The following CTIF variants were observed in gnomAD, a reference collection of about 807,000 sequenced individuals.
CTIF encodes CBP80/20-dependent translation initiation factor.
In CTIF, 21 loss-of-function variants were observed where a neutral mutation model predicts 66.0. The ratio of observed to expected loss-of-function variants is 0.32; its 90% CI spans 0.23 to 0.46. CTIF has a LOEUF of 0.46. Ranked by LOEUF, CTIF falls within the 20% of genes least tolerant of loss-of-function variation. The pLI is 1.00. For synonymous variants in CTIF, 345 were observed against 326.4 expected (o/e 1.06, Z -0.62); for missense variants, 739 against 812.7 (o/e 0.91, Z 1.10).
chr18:48,810,403 A>G (rs983369488), intron 9 of CTIF, among the ~76,000 whole-genome samples: 18 of 152,248 alleles, frequency 1.2e-4, no homozygotes, highest in African/African-American at 4.3e-4. Context: ...TAGATAATCT[A>G]ATACAGGTAT....
At chr18:48,558,510 A>G (rs960070113) in intron 1 of CTIF, among the ~76,000 whole-genome samples, 2 of 152,248 alleles carry the variant, frequency 1.3e-5, no homozygotes, top group Non-Finnish European at 2.9e-5. Flanking sequence ...ACCTCTTTTC[A>G]TGTAACAAAT....
At chr18:48,850,071 G>A (rs1299759182) in intron 10 of CTIF, among the ~76,000 whole-genome samples, 2 of 152,106 alleles carry the variant, frequency 1.3e-5, no homozygotes, top group Non-Finnish European at 2.9e-5. Flanking sequence ...CTGTCTGTAT[G>A]AATTTGACTA....
chr18:48,690,855 G>A (rs981571264), intron 6 of CTIF, among the ~76,000 whole-genome samples: 27 of 152,074 alleles, frequency 1.8e-4, no homozygotes, highest in Non-Finnish European at 2.9e-5. Context: ...TCAGAAGGCT[G>A]TAGTGAGAAT....
At chr18:48,707,750 A>G (rs1390135849) in intron 6 of CTIF, among the ~76,000 whole-genome samples, 1 of 152,192 alleles carries the variant, frequency 6.6e-6, no homozygotes, top group Non-Finnish European at 1.5e-5. Context: ...TCACCCTCTC[A>G]TAGTATACAG....
chr18:48,754,331 C>T (rs1183939850), intron 7 of CTIF, among the ~76,000 whole-genome samples: 1 of 152,200 alleles, frequency 6.6e-6, no homozygotes, highest in Non-Finnish European at 1.5e-5. Context: ...TCCTGGAGCC[C>T]CTGGCAGGCC....
rs747262144 is a variant in CTIF at position 48,859,670 on chromosome 18, G to A, written c.*111G>A. 7.9e-6 allele frequency: 8 copies of A among 1,010,954 alleles called. No individual in the cohort carries two copies. Among genetic ancestry groups the A allele is most frequent in the Non-Finnish European group, 1.2e-5 (8 of 651,052 alleles). The allele number at this position is 1,010,954 out of a possible 1,614,324, so 62.6% of individuals were successfully genotyped here. On this transcript the variant is annotated 3_prime_UTR_variant, in exon 12 of 12. Transcript: ENST00000256413. The stretch of plus-strand genomic sequence containing the variant: ...CCCTGGCGGGAGAAAGAAATGGGGA[G>A]GAGGGCAGGCAGAGTCGGTGGCCAG...
In CTIF at chr18:48,792,682, C is replaced by T. The variant is rs546526104; in HGVS notation, c.1372-24539C>T. 2.0e-5 allele frequency among the ~76,000 whole-genome samples: 3 copies of T among 152,238 alleles called. No homozygotes were observed. In the East Asian group the frequency reaches 5.8e-4, roughly 29 times the overall value. ...CTTTCAAGGAAGAGCTGAGAGGATC[C>T]TCTGAAGGACTGGACGTAGGTGCAA... On this transcript the variant is annotated intron_variant, in intron 9 of 11. Transcript: ENST00000256413.
chr18:48,553,926 G>T (rs550235826), intron 1 of CTIF, among the ~76,000 whole-genome samples: 2 of 152,202 alleles, frequency 1.3e-5, no homozygotes, highest in Non-Finnish European at 2.9e-5. Flanking sequence ...CTCCCAAAGT[G>T]CTGGGATTAC....
At chr18:48,853,530 T>G (rs1327585963) in intron 10 of CTIF, among the ~76,000 whole-genome samples, 2 of 152,272 alleles carry the variant, frequency 1.3e-5, no homozygotes, top group African/African-American at 4.8e-5. Flanking sequence ...CACCTGCTCA[T>G]CATTTGAGCA....
chr18:48,625,385 T>C, intron 2 of CTIF: 1 of 183,062 alleles, frequency 5.5e-6, no homozygotes, highest in African/African-American at 2.4e-5. Flanking sequence ...ATAATTAAAT[T>C]CTCCTGAGCT....
intron 1 of CTIF, among the ~76,000 whole-genome samples, chr18:48,589,765 G>T (rs995279190): frequency 2.0e-5 from 3 of 152,186 alleles, no homozygotes; most frequent in South Asian, 2.1e-4. Flanking sequence ...TTCTTTGTGT[G>T]GGGGGAGCTG....
intron 1 of CTIF, among the ~76,000 whole-genome samples, chr18:48,549,740 A>G (rs2088838549): frequency 6.6e-6 from 1 of 152,236 alleles, no homozygotes; most frequent in Non-Finnish European, 1.5e-5. Flanking sequence ...TTGAAGAGAA[A>G]CGGGTCAGTA....
intron 3 of CTIF, among the ~76,000 whole-genome samples, chr18:48,659,082 G>T (rs1466007673): frequency 6.6e-6 from 1 of 152,146 alleles, no homozygotes; most frequent in East Asian, 1.9e-4. Context: ...CACGTGCTAG[G>T]CTATTTCTCC....
At chr18:48,735,592 GA>G (rs2092493952) in intron 7 of CTIF, among the ~76,000 whole-genome samples, 1 of 152,154 alleles carries the variant, frequency 6.6e-6, no homozygotes. Context: ...AAGAGGGAAG[GA>G]GGTGAGGACA....
intron 9 of CTIF, among the ~76,000 whole-genome samples, chr18:48,771,299 G>T (rs774704753): frequency 6.6e-6 from 1 of 152,164 alleles, no homozygotes. Flanking sequence ...TCATCTTTGT[G>T]TCCCACCACC....
chr18:48,658,702 T>G (rs1286825648), intron 3 of CTIF, among the ~76,000 whole-genome samples: 1 of 152,138 alleles, frequency 6.6e-6, no homozygotes, highest in African/African-American at 2.4e-5. Context: ...GTATTGTGTA[T>G]ATATGTGTCT....
intron 6 of CTIF, among the ~76,000 whole-genome samples, chr18:48,704,455 T>C (rs1348329981): frequency 6.6e-6 from 1 of 152,144 alleles, no homozygotes; most frequent in Non-Finnish European, 1.5e-5. Flanking sequence ...TGCCCACCAC[T>C]CCACCTGGGT....
chr18:48,781,256 G>A (rs1344532956), intron 9 of CTIF, among the ~76,000 whole-genome samples: 2 of 152,220 alleles, frequency 1.3e-5, no homozygotes, highest in African/African-American at 4.8e-5. Context: ...AAAGCCGTGC[G>A]CCGCAGCGGG....
chr18:48,625,490 T>C (rs1198533660), intron 2 of CTIF, among the ~76,000 whole-genome samples: 3 of 152,236 alleles, frequency 2.0e-5, no homozygotes, highest in African/African-American at 7.2e-5. Flanking sequence ...TGCTACCACC[T>C]CATTCTGCTC....
Sources: allele counts gnomAD v4.1 joint callset (sites outside exome capture counted in the v4.1 genomes callset), GRCh38; gene constraint gnomAD v4.1.1; transcripts MANE v1.5; gene names NCBI Gene and HGNC (gene_info 2026-07-23, HGNC 2026-07-21).